Variants in JPT2 observed in about 807,000 individuals in gnomAD.
JPT2 encodes Jupiter microtubule associated homolog 2, also known as CRAMP_1 like.
JPT2 carries 9 observed loss-of-function variants against 15.9 expected under a neutral mutation model. The ratio of observed to expected loss-of-function variants is 0.57; its 90% CI spans 0.34 to 0.99. JPT2 has a LOEUF of 0.99. Among genes scored for constraint, JPT2 ranks in the 50% least tolerant of loss-of-function variants. JPT2 has a pLI of 0.02. For synonymous variants in JPT2, 95 were observed against 91.7 expected, an observed-to-expected ratio of 1.04 and a Z score of -0.21; for missense variants, 267 against 252.1, an observed-to-expected ratio of 1.06 and a Z score of -0.40.
At position 1,699,611 on chromosome 16, in the gene JPT2, T is replaced by C; in HGVS notation, c.*613T>C. The C allele has an allele frequency of 9.8e-6, 3 of 306,540 alleles. No individual in the cohort carries two copies. Among genetic ancestry groups the C allele is most frequent in the South Asian group, 9.1e-5 (3 of 33,142 alleles). 19.0% of individuals were successfully genotyped at this position (306,540 alleles called of 1,614,324 possible). ...TTCATGGAAGATTGTTTTGGTGCCC[T>C]GACCCTCTGAAGTGCCCAGTTCCTG... On this transcript the variant is annotated 3_prime_UTR_variant, in exon 5 of 5. Transcript: ENST00000248098.
intron 3 of JPT2, among the ~76,000 whole-genome samples, chr16:1,695,877 GTAAA>G (rs1048993709): frequency 1.3e-5 from 2 of 152,130 alleles, no homozygotes; most frequent in African/African-American, 4.8e-5. Flanking sequence ...GAAAAAATAA[GTAAA>G]TAAATAGGTC....
chr16:1,683,727 G>C, intron 1 of JPT2: 1 of 647,980 alleles, frequency 1.5e-6, no homozygotes, highest in East Asian at 2.8e-5. Context: ...CAGTCACAAG[G>C]AGCCCTCAGC....
chr16:1,684,299 C>A (rs1457850808), intron 1 of JPT2, among the ~76,000 whole-genome samples: 1 of 152,198 alleles, frequency 6.6e-6, no homozygotes, highest in Non-Finnish European at 1.5e-5. Flanking sequence ...ATCTCAATTT[C>A]AGTAAGCCTC....
At chr16:1,688,301 C>T (rs989795658) in intron 2 of JPT2, 17 of 152,184 alleles carry the variant, frequency 1.1e-4, no homozygotes, top group Non-Finnish European at 2.2e-4. Context: ...CAGAGCTAGT[C>T]GGTAGCAGAC....
rs111647888 is a variant in JPT2 at position 1,685,574 on chromosome 16, G to A, written c.180G>A (p.Arg60=). 2,646 of 1,613,890 alleles carry A rather than the reference G, an allele frequency of 1.6e-3. 28 individuals carry two copies. Among genetic ancestry groups the A allele is most frequent in the East Asian group, 6.1e-3 (274 of 44,876 alleles). ...PTEEPQNIPK[R]TNPPGGKGSG... ...AAGAACCTCAGAACATACCCAAGAGGACAAATCCCCCAGGTATGGGCCTTT... is the reference window on the plus strand; with the variant it reads ...AAGAACCTCAGAACATACCCAAGAGAACAAATCCCCCAGGTATGGGCCTTT... Residue 60 remains arginine, a synonymous_variant, in exon 2 of 5, where the codon AGG becomes AGA. Coordinates refer to ENST00000248098, the MANE Select transcript of JPT2 (RefSeq NM_144570.3).
rs2037179181 is a variant in JPT2, at chr16:1,701,390, G to GT, written c.*2393dup. ...TTATTTTTACAAGGCAGAATGGGGT[G>GT]TAACAGTTGAATTAAACTTAGCAAT... On this transcript the variant is annotated 3_prime_UTR_variant, in exon 5 of 5. Coordinates refer to ENST00000248098, the MANE Select transcript of JPT2 (RefSeq NM_144570.3). 2 of 152,502 alleles carry GT rather than the reference G, an allele frequency of 1.3e-5. No homozygotes were observed. Among genetic ancestry groups the GT allele is most frequent in the African/African-American group, 4.8e-5 (2 of 41,454 alleles). The allele number at this position is 152,502 out of a possible 1,614,324, so 9.4% of individuals were successfully genotyped here. A position where few individuals can be genotyped will look rare whatever the true frequency, so the allele number is the denominator to read the frequency against.
intron 1 of JPT2, chr16:1,680,580 G>A: frequency 9.8e-7 from 1 of 1,017,482 alleles, no homozygotes; most frequent in Non-Finnish European, 1.2e-6. Flanking sequence ...TCGCAGGGCG[G>A]GCGCCTTGTA....
rs746928427 is a variant in JPT2 at position 1,698,318 on chromosome 16, AT to A, written c.385+459del. Among the ~76,000 whole-genome samples the A allele has an allele frequency of 1.6e-4, 25 of 152,296 alleles. No individual in the cohort carries two copies. The highest frequency in any genetic ancestry group is 3.4e-4 in the Non-Finnish European group (23 of 68,006). On this transcript the variant is annotated intron_variant, in intron 4 of 4. Coordinates refer to ENST00000248098, the MANE Select transcript of JPT2 (RefSeq NM_144570.3). The surrounding 1 kb of genome is among the most constrained non-coding windows in gnomAD (Gnocchi z 4.9). Reference sequence around the variant, plus strand: ...CTCCCCACGGCTCTTTAGCCTGACCATGGGCATCGGTTTCTGCCTTTGGGTC... The same window carrying A: ...CTCCCCACGGCTCTTTAGCCTGACCAGGGCATCGGTTTCTGCCTTTGGGTC...
downstream of JPT2, among the ~76,000 whole-genome samples, chr16:1,702,489 G>A (rs2142233966): frequency 6.6e-6 from 1 of 152,320 alleles, no homozygotes; most frequent in East Asian, 1.9e-4. Context: ...ACAGGGTGAG[G>A]GTGTGAATAA....
downstream of JPT2, among the ~76,000 whole-genome samples, chr16:1,702,549 C>T (rs2037186400): frequency 6.6e-6 from 1 of 152,252 alleles, no homozygotes; most frequent in Non-Finnish European, 1.5e-5. Context: ...TCCAGGAATA[C>T]ACAGGCTCTT....
intron 3 of JPT2, among the ~76,000 whole-genome samples, chr16:1,695,400 C>T (rs1405545929): frequency 9.2e-5 from 13 of 140,922 alleles, no homozygotes; most frequent in South Asian, 2.3e-4. Context: ...AGCGAAACTC[C>T]GTCCCAAAAA....
chr16:1,684,025 A>G (rs2037045457), intron 1 of JPT2, among the ~76,000 whole-genome samples: 1 of 152,256 alleles, frequency 6.6e-6, no homozygotes, highest in African/African-American at 2.4e-5. Context: ...TCTCTAGGTT[A>G]CAAGGTTACA....
downstream of JPT2, among the ~76,000 whole-genome samples, chr16:1,702,790 G>A (rs2037187625): frequency 1.3e-5 from 2 of 152,176 alleles, no homozygotes; most frequent in South Asian, 4.1e-4. Context: ...AACATCACAG[G>A]GAACTGTGTG....
chr16:1,678,704 C>T (rs991396749), intron 1 of JPT2, among the ~76,000 whole-genome samples: 1 of 151,784 alleles, frequency 6.6e-6, no homozygotes, highest in Non-Finnish European at 1.5e-5. Context: ...TGGGGGGTTT[C>T]CTGGGGGCGG....
chr16:1,685,515 A>C lies in JPT2; in HGVS notation c.121A>C (p.Asn41His). 1 of 1,614,094 alleles carries C rather than the reference A, an allele frequency of 6.2e-7. No homozygotes were observed. The highest frequency in any genetic ancestry group is 8.5e-7 in the Non-Finnish European group (1 of 1,180,002). The change falls in exon 2 of 5, where the codon AAT (asparagine) becomes CAT (histidine). Residue 41 changes from asparagine (N) to histidine (H), a missense_variant. Physicochemically the swap from Asn to His is moderately conservative, Grantham distance 68 (BLOSUM62 1). Coordinates refer to ENST00000248098, the MANE Select transcript of JPT2 (RefSeq NM_144570.3). The stretch of plus-strand genomic sequence containing the variant: ...AGAAGCTACTCCTTCCAGCAGGCCT[A>C]ATAGGATGGCATCTAATATTTTTGG... Reference protein sequence around the residue: ...PEEATPSSRPNRMASNIFGPT... With the variant: ...PEEATPSSRPHRMASNIFGPT...
At chr16:1,686,888 A>T (rs2037070777) in intron 2 of JPT2, among the ~76,000 whole-genome samples, 1 of 152,124 alleles carries the variant, frequency 6.6e-6, no homozygotes, top group South Asian at 2.1e-4. Context: ...TCAGAGCCAG[A>T]TCCACTCCCG....
Position 1,699,030 on chromosome 16 carries a change from A to G in JPT2, c.*32A>G. The G allele has an allele frequency of 6.2e-7, 1 of 1,600,346 alleles. No individual in the cohort carries two copies. The highest frequency in any genetic ancestry group is 8.6e-7 in the Non-Finnish European group (1 of 1,169,344). ...CCACTGCTCCACCCGGAGCCAGACCAGAAACTCAAGAGATAGGGTAGCCAT... is the reference window on the plus strand; with the variant it reads ...CCACTGCTCCACCCGGAGCCAGACCGGAAACTCAAGAGATAGGGTAGCCAT... On this transcript the variant is annotated 3_prime_UTR_variant, in exon 5 of 5. Coordinates refer to ENST00000248098, the MANE Select transcript of JPT2 (RefSeq NM_144570.3).
chr16:1,683,306 C>G (rs915661501), intron 1 of JPT2, among the ~76,000 whole-genome samples: 1 of 151,586 alleles, frequency 6.6e-6, no homozygotes, highest in South Asian at 2.1e-4. Context: ...GAGACAGGGT[C>G]TCCCCATATG....
intron 1 of JPT2, among the ~76,000 whole-genome samples, chr16:1,684,861 A>C (rs1195843853): frequency 1.3e-5 from 2 of 151,290 alleles, no homozygotes; most frequent in Non-Finnish European, 2.9e-5. Context: ...CAGTGAGCTG[A>C]GATCGTGCCA....
Sources: gnomAD v4.1 joint callset for allele counts (sites outside exome capture counted in the v4.1 genomes callset) on GRCh38, gnomAD v4.1.1 for gene constraint, Gnocchi (gnomAD v3.1) non-coding constraint, MANE v1.5 for transcripts, NCBI Gene and HGNC (gene_info 2026-07-23, HGNC 2026-07-21) for gene names.